BMPR1B: variants seen among roughly 807,000 people sequenced by gnomAD.
BMPR1B encodes the protein bone morphogenetic protein receptor type 1B.
BMPR1B carries 12 observed loss-of-function variants against 59.1 expected under a neutral mutation model. The observed-to-expected ratio is 0.20, with a 90% CI of 0.13 to 0.33. The LOEUF (loss-of-function observed/expected upper bound fraction) is 0.33. Among genes scored for constraint, BMPR1B ranks in the 10% least tolerant of loss-of-function variants. The probability of loss-of-function intolerance (pLI) is 1.00; values close to 1 mark genes in which losing one functional copy is unlikely to be tolerated. For missense variants in BMPR1B, 550 were observed against 610.9 expected, an observed-to-expected ratio of 0.90 and a Z score of 1.05; for synonymous variants, 237 against 207.3, an observed-to-expected ratio of 1.14 and a Z score of -1.23.
chr4:94,917,089 G>T (rs537402331), intron 2 of BMPR1B, among the ~76,000 whole-genome samples: 131 of 152,370 alleles, frequency 8.6e-4, no homozygotes, highest in Non-Finnish European at 1.4e-3. Flanking sequence ...AGTGAAGAAT[G>T]CTTGGCAGCC....
chr4:94,791,014 G>A (rs1035643019), intron 1 of BMPR1B, among the ~76,000 whole-genome samples: 1 of 152,046 alleles, frequency 6.6e-6, no homozygotes, highest in African/African-American at 2.4e-5. Context: ...CTGAGATGGA[G>A]TCTTGCTCTG....
At chr4:95,139,140 A>G (rs1400176334) in intron 10 of BMPR1B, among the ~76,000 whole-genome samples, 1 of 151,994 alleles carries the variant, frequency 6.6e-6, no homozygotes, top group Non-Finnish European at 1.5e-5. Flanking sequence ...AACAGTCAGG[A>G]CCCTCAGCTG....
chr4:94,787,748 A>G (rs1722814158), intron 1 of BMPR1B, among the ~76,000 whole-genome samples: 1 of 152,204 alleles, frequency 6.6e-6, no homozygotes, highest in Non-Finnish European at 1.5e-5. Flanking sequence ...CAGGGGCTCT[A>G]GGCGAGAACT....
intron 9 of BMPR1B, 141 bp from the exon 10 acceptor site, chr4:95,131,074 A>T: frequency 1.1e-6 from 1 of 872,102 alleles, no homozygotes; most frequent in Non-Finnish European, 1.8e-6. Flanking sequence ...TTAGTCATTT[A>T]ATACCATCAT....
chr4:94,861,011 A>G (rs560932385), intron 1 of BMPR1B, among the ~76,000 whole-genome samples: 57 of 150,110 alleles, frequency 3.8e-4, no homozygotes, highest in African/African-American at 1.4e-3. Context: ...TTTCTCTTTC[A>G]CGAGATCCCA....
At chr4:94,971,530 ACT>A (rs1369076768) in intron 2 of BMPR1B, among the ~76,000 whole-genome samples, 1 of 152,042 alleles carries the variant, frequency 6.6e-6, no homozygotes, top group African/African-American at 2.4e-5. Flanking sequence ...GGCAGTGCTC[ACT>A]CTCTACTTCT....
At chr4:94,783,668 A>G (rs539332494) in intron 1 of BMPR1B, among the ~76,000 whole-genome samples, 5 of 152,218 alleles carry the variant, frequency 3.3e-5, no homozygotes, top group African/African-American at 7.2e-5. Context: ...TCCTTATCTT[A>G]CCTCTTCTGG....
At chr4:95,007,205 A>G (rs1454615286) in intron 3 of BMPR1B, among the ~76,000 whole-genome samples, 1 of 152,166 alleles carries the variant, frequency 6.6e-6, no homozygotes, top group African/African-American at 2.4e-5. Flanking sequence ...ATGTTTTTTG[A>G]GGCAGGTCAG....
chr4:94,910,824 A>G (rs1201951700), intron 2 of BMPR1B, among the ~76,000 whole-genome samples: 1 of 152,028 alleles, frequency 6.6e-6, no homozygotes, highest in African/African-American at 2.4e-5. Flanking sequence ...AGGCAGGAGG[A>G]TTGCTTGAGC....
chr4:95,043,419 T>G (rs971120497), intron 3 of BMPR1B, among the ~76,000 whole-genome samples: 2 of 152,296 alleles, frequency 1.3e-5, no homozygotes, highest in Admixed American at 1.3e-4. Context: ...GGTAGTTTAA[T>G]CATGTAAGTT....
chr4:94,765,817 G>A (rs781750486), intron 1 of BMPR1B, among the ~76,000 whole-genome samples: 5 of 152,136 alleles, frequency 3.3e-5, no homozygotes, highest in Admixed American at 6.6e-5. Flanking sequence ...CAGTGGTTTC[G>A]TGGAATGTTA....
intron 1 of BMPR1B, among the ~76,000 whole-genome samples, chr4:94,806,052 G>A (rs1311554573): frequency 1.3e-5 from 2 of 152,106 alleles, no homozygotes; most frequent in Non-Finnish European, 1.5e-5. Context: ...GGAATCCAGT[G>A]CAATATCAAC....
chr4:95,055,983 G>T (rs1304791583), intron 3 of BMPR1B, among the ~76,000 whole-genome samples: 1 of 152,110 alleles, frequency 6.6e-6, no homozygotes, highest in Non-Finnish European at 1.5e-5. Flanking sequence ...TATTGATTTA[G>T]AATTGCCAGG....
intron 1 of BMPR1B, among the ~76,000 whole-genome samples, chr4:94,870,119 G>C (rs1042904111): frequency 4.6e-5 from 7 of 152,176 alleles, no homozygotes; most frequent in Non-Finnish European, 1.0e-4. Context: ...TATAAACTCT[G>C]ATCAGTCTTA....
chr4:95,052,868 G>A (rs1014800838), intron 3 of BMPR1B, among the ~76,000 whole-genome samples: 3 of 152,134 alleles, frequency 2.0e-5, no homozygotes, highest in Non-Finnish European at 4.4e-5. Context: ...AAAAATTGTT[G>A]TAGGGAGAAT....
intron 1 of BMPR1B, among the ~76,000 whole-genome samples, chr4:94,832,408 C>T (rs1724635199): frequency 6.6e-6 from 1 of 152,086 alleles, no homozygotes; most frequent in South Asian, 2.1e-4. Context: ...CTAGAGTCCC[C>T]AGTGGTTAAT....
intron 2 of BMPR1B, among the ~76,000 whole-genome samples, chr4:94,939,243 G>A (rs1168863925): frequency 1.3e-5 from 2 of 152,002 alleles, no homozygotes; most frequent in South Asian, 4.2e-4. Flanking sequence ...TAAAAAAAAA[G>A]CTACACCTGC....
At chr4:95,078,655 G>A (rs1043377446) in intron 3 of BMPR1B, among the ~76,000 whole-genome samples, 3 of 152,186 alleles carry the variant, frequency 2.0e-5, no homozygotes, top group African/African-American at 7.2e-5. Context: ...ACTAGAAACT[G>A]TGTTCAGAAC....
At chr4:95,150,517 G>T (rs1327796347) in intron 11 of BMPR1B, among the ~76,000 whole-genome samples, 1 of 151,266 alleles carries the variant, frequency 6.6e-6, no homozygotes, top group African/African-American at 2.4e-5. Context: ...ACTTAATTAA[G>T]ATAGCTTTAT....
Sources: allele counts gnomAD v4.1 joint callset (sites outside exome capture counted in the v4.1 genomes callset), GRCh38; gene constraint gnomAD v4.1.1; transcripts MANE v1.5; gene names NCBI Gene and HGNC (gene_info 2026-07-23, HGNC 2026-07-21).